The following HTR4 variants were observed in gnomAD, a reference collection of about 807,000 sequenced individuals.
HTR4 encodes the protein 5-hydroxytryptamine (serotonin) receptor 4, G protein-coupled.
In HTR4, 16 loss-of-function variants were observed where a neutral mutation model predicts 36.8. The observed-to-expected ratio is 0.43, with a 90% CI of 0.29 to 0.66. HTR4 has a LOEUF of 0.66. Among genes scored for constraint, HTR4 ranks in the 30% least tolerant of loss-of-function variants. HTR4 has a pLI of 0.13. For synonymous variants in HTR4, 189 were observed against 185.1 expected, an observed-to-expected ratio of 1.02 and a Z score of -0.17; for missense variants, 438 against 490.9, an observed-to-expected ratio of 0.89 and a Z score of 1.02.
chr5:148,555,165 G>A (rs748444522), intron 2 of HTR4, among the ~76,000 whole-genome samples: 8 of 152,084 alleles, frequency 5.3e-5, no homozygotes, highest in Non-Finnish European at 8.8e-5. Context: ...GTTTTAGGTC[G>A]CTTTTTTGTC....
At chr5:148,568,652 A>G (rs1339248356) in intron 2 of HTR4, among the ~76,000 whole-genome samples, 1 of 152,154 alleles carries the variant, frequency 6.6e-6, no homozygotes, top group African/African-American at 2.4e-5. Context: ...AAAAAACACC[A>G]AATTGCCAAT....
intron 5 of HTR4, among the ~76,000 whole-genome samples, chr5:148,451,456 A>G (rs1310488882): frequency 1.3e-5 from 2 of 152,120 alleles, no homozygotes; most frequent in African/African-American, 4.8e-5. Flanking sequence ...CACCCAGATT[A>G]CTCATATTAA....
At chr5:148,618,172 C>T (rs1346662548) in intron 2 of HTR4, among the ~76,000 whole-genome samples, 1 of 152,212 alleles carries the variant, frequency 6.6e-6, no homozygotes, top group Non-Finnish European at 1.5e-5. Flanking sequence ...GGGTCAGGTG[C>T]TCTGAGTGGG....
At chr5:148,618,988 T>C (rs1464892945) in intron 2 of HTR4, among the ~76,000 whole-genome samples, 2 of 152,114 alleles carry the variant, frequency 1.3e-5, no homozygotes, top group Admixed American at 6.5e-5. Context: ...AAGGTTATAT[T>C]TTAGTGGAGA....
intron 2 of HTR4, among the ~76,000 whole-genome samples, chr5:148,570,470 T>C (rs780307266): frequency 3.3e-5 from 5 of 151,896 alleles, no homozygotes; most frequent in Non-Finnish European, 5.9e-5. Context: ...CTTGAGGAGA[T>C]GATAATTGAG....
intron 2 of HTR4, among the ~76,000 whole-genome samples, chr5:148,574,643 T>G (rs994960152): frequency 1.3e-5 from 2 of 152,066 alleles, no homozygotes; most frequent in Non-Finnish European, 2.9e-5. Flanking sequence ...TGAATGGATG[T>G]GTGACAAAAA....
At chr5:148,577,095 A>G (rs1159597376) in intron 2 of HTR4, among the ~76,000 whole-genome samples, 1 of 152,126 alleles carries the variant, frequency 6.6e-6, no homozygotes, top group African/African-American at 2.4e-5. Flanking sequence ...TCCAATATCC[A>G]ACATTTAAAA....
At chr5:148,453,552 A>G (rs1001771668) in intron 5 of HTR4, among the ~76,000 whole-genome samples, 2 of 152,234 alleles carry the variant, frequency 1.3e-5, no homozygotes, top group Non-Finnish European at 2.9e-5. Flanking sequence ...TAGAGGGAAC[A>G]GCAGATGCAA....
At chr5:148,476,884 G>A, downstream of HTR4, 22 of 1,353,558 alleles carry the variant, frequency 1.6e-5, no homozygotes, top group Non-Finnish European at 2.2e-5. Flanking sequence ...GGCTGGAAAA[G>A]ACTTCAGGTA....
chr5:148,463,695 GTTTT>G (rs201482578), intron 5 of HTR4, among the ~76,000 whole-genome samples: 8 of 147,974 alleles, frequency 5.4e-5, no homozygotes, highest in South Asian at 2.1e-4. Flanking sequence ...TCTCAGTGAG[GTTTT>G]TTTTTTTTGT....
intron 2 of HTR4, among the ~76,000 whole-genome samples, chr5:148,605,947 T>C (rs1752141744): frequency 6.6e-6 from 1 of 152,194 alleles, no homozygotes; most frequent in Admixed American, 6.5e-5. Context: ...TATGTCAGGA[T>C]CTGTGCTATG....
chr5:148,601,948 G>A (rs1439447101), intron 2 of HTR4, among the ~76,000 whole-genome samples: 2 of 152,154 alleles, frequency 1.3e-5, no homozygotes, highest in Non-Finnish European at 2.9e-5. Context: ...AAACTCAGAT[G>A]TAGAAAGATA....
At chr5:148,577,679 G>A (rs1425587794) in intron 2 of HTR4, among the ~76,000 whole-genome samples, 1 of 152,006 alleles carries the variant, frequency 6.6e-6, no homozygotes, top group Non-Finnish European at 1.5e-5. Flanking sequence ...AAAATGGATG[G>A]AGCTGGAGGC....
intron 2 of HTR4, among the ~76,000 whole-genome samples, chr5:148,563,436 C>T (rs1760302551): frequency 6.6e-6 from 1 of 152,166 alleles, no homozygotes; most frequent in Admixed American, 6.6e-5. Context: ...CAGCTGTTAC[C>T]TTTTACGCTC....
At chr5:148,633,098 G>T (rs1247338338) in intron 2 of HTR4, among the ~76,000 whole-genome samples, 1 of 152,068 alleles carries the variant, frequency 6.6e-6, no homozygotes, top group African/African-American at 2.4e-5. Flanking sequence ...AGATTGTCTG[G>T]AAAGAGCTGC....
At chr5:148,567,705 C>T (rs771004592) in intron 2 of HTR4, among the ~76,000 whole-genome samples, 34 of 152,106 alleles carry the variant, frequency 2.2e-4, no homozygotes, top group Non-Finnish European at 4.0e-4. Flanking sequence ...TTCCAAATAT[C>T]CACTAGGTTC....
chr5:148,485,213 T>G (rs111764857), intron 6 of HTR4, among the ~76,000 whole-genome samples: 80 of 152,328 alleles, frequency 5.3e-4, no homozygotes, highest in African/African-American at 1.8e-3. Context: ...TTGGGCTGAA[T>G]GCAGTATGTG....
At chr5:148,469,965 T>C (rs1755523376) in intron 5 of HTR4, among the ~76,000 whole-genome samples, 1 of 152,096 alleles carries the variant, frequency 6.6e-6, no homozygotes, top group Non-Finnish European at 1.5e-5. Context: ...CAGAGGGAGA[T>C]CACAACAGCA....
intron 5 of HTR4, among the ~76,000 whole-genome samples, chr5:148,468,619 T>C (rs1755490893): frequency 6.6e-6 from 1 of 152,196 alleles, no homozygotes; most frequent in African/African-American, 2.4e-5. Context: ...ACTTCCATCG[T>C]TGGAAGCAGA....
Sources: gnomAD v4.1 joint callset for allele counts (sites outside exome capture counted in the v4.1 genomes callset) on GRCh38, gnomAD v4.1.1 for gene constraint, MANE v1.5 for transcripts, NCBI Gene and HGNC (gene_info 2026-07-23, HGNC 2026-07-21) for gene names.